Variants in BMAL1 observed in about 807,000 individuals in gnomAD.
The protein encoded by BMAL1 is basic helix-loop-helix ARNT like 1, also known as basic helix-loop-helix ARNT-like protein 1.
At chr11:13,382,201 A>T in the BMAL1 span, among the ~76,000 whole-genome samples, 1 of 152,186 alleles carries the variant, frequency 6.6e-6, no homozygotes, top group African/African-American at 2.4e-5. Context: ...TCTTTTTTAT[A>T]CAGGAATCTT....
chr11:13,322,776 GTCTTTT>G, the BMAL1 span, among the ~76,000 whole-genome samples: 3 of 104,864 alleles, frequency 2.9e-5, no homozygotes, highest in Admixed American at 9.7e-5. Context: ...TTGTGAGCAA[GTCTTTT>G]TTTTTTTTTT....
chr11:13,372,849 A>G, the BMAL1 span, among the ~76,000 whole-genome samples: 2 of 152,100 alleles, frequency 1.3e-5, no homozygotes, highest in African/African-American at 2.4e-5. Context: ...TCTGTTAAAA[A>G]ATGAGATTCA....
chr11:13,350,020 G>A, the BMAL1 span: 1 of 152,160 alleles, frequency 6.6e-6, no homozygotes, highest in Non-Finnish European at 1.5e-5. Context: ...AAGTCCAGAG[G>A]CCCCTAACTC....
chr11:13,319,027 T>G, the BMAL1 span, among the ~76,000 whole-genome samples: 1 of 152,202 alleles, frequency 6.6e-6, no homozygotes, highest in Non-Finnish European at 1.5e-5. Flanking sequence ...TGCTTGTTTC[T>G]CTCCACCCCT....
chr11:13,340,179 G>A, the BMAL1 span, among the ~76,000 whole-genome samples: 9 of 152,286 alleles, frequency 5.9e-5, no homozygotes, highest in East Asian at 3.9e-4. Flanking sequence ...AGTGGTAGCC[G>A]TCTGAGGCCT....
the BMAL1 span, among the ~76,000 whole-genome samples, chr11:13,330,312 A>G: frequency 2.6e-5 from 4 of 152,188 alleles, no homozygotes; most frequent in Non-Finnish European, 5.9e-5. Context: ...TTTACAGTGC[A>G]CTATAGGGCA....
chr11:13,339,430 T>TACACACACACACACACACACACACAC, the BMAL1 span, among the ~76,000 whole-genome samples: 12 of 144,190 alleles, frequency 8.3e-5, no homozygotes, highest in African/African-American at 3.1e-4. Context: ...GCCCTGCTTT[T>TACACACACACACACACACACACACAC]ACACACACAC....
the BMAL1 span, among the ~76,000 whole-genome samples, chr11:13,311,319 G>A: frequency 2.6e-5 from 4 of 152,182 alleles, no homozygotes; most frequent in South Asian, 2.1e-4. Context: ...GGGAATATGC[G>A]TAACTGTGGG....
chr11:13,387,051 G>A, the BMAL1 span: 1 of 254,026 alleles, frequency 3.9e-6, no homozygotes. Flanking sequence ...ATTGTGCACA[G>A]AAGCATCATT....
the BMAL1 span, chr11:13,357,227 C>T: frequency 7.4e-7 from 1 of 1,345,962 alleles, no homozygotes; most frequent in East Asian, 2.5e-5. The surrounding 1 kb of genome is among the most constrained non-coding windows in gnomAD (Gnocchi z 4.8). Context: ...AGGGAATAGG[C>T]AGGTAGTGGG....
the BMAL1 span, among the ~76,000 whole-genome samples, chr11:13,335,813 A>G: frequency 1.3e-5 from 2 of 152,128 alleles, no homozygotes; most frequent in African/African-American, 4.8e-5. Context: ...CAATACTTAC[A>G]TATTGATTTA....
the BMAL1 span, among the ~76,000 whole-genome samples, chr11:13,359,865 G>T: frequency 6.6e-6 from 1 of 152,254 alleles, no homozygotes; most frequent in South Asian, 2.1e-4. Flanking sequence ...CTGATGAAGA[G>T]TAACTCACAT....
chr11:13,337,488 A>T, the BMAL1 span, among the ~76,000 whole-genome samples: 106 of 152,318 alleles, frequency 7.0e-4, no homozygotes, highest in African/African-American at 2.3e-3. Flanking sequence ...GTAAGAGATG[A>T]TGTTCTTAAA....
chr11:13,355,004 C>T, the BMAL1 span: 22 of 386,126 alleles, frequency 5.7e-5, no homozygotes, highest in African/African-American at 9.9e-5. Context: ...GTTGACTTTT[C>T]GTTTGAGTAA....
At chr11:13,287,149 G>A in the BMAL1 span, among the ~76,000 whole-genome samples, 1 of 152,186 alleles carries the variant, frequency 6.6e-6, no homozygotes, top group Admixed American at 6.5e-5. Flanking sequence ...TGCCATTTGA[G>A]AGGTTTGATA....
the BMAL1 span, chr11:13,374,112 C>T: frequency 1.2e-6 from 2 of 1,613,460 alleles, no homozygotes; most frequent in East Asian, 4.5e-5. Flanking sequence ...GCTATTTTGG[C>T]ATATTTACCA....
chr11:13,366,446 TGA>T, the BMAL1 span, among the ~76,000 whole-genome samples: 1 of 152,160 alleles, frequency 6.6e-6, no homozygotes, highest in Non-Finnish European at 1.5e-5. Flanking sequence ...TTTATATAAT[TGA>T]GGGTTTTCCC....
At chr11:13,373,957 C>T in the BMAL1 span, 1 of 673,092 alleles carries the variant, frequency 1.5e-6, no homozygotes, top group Admixed American at 2.6e-5. Context: ...AGTGAGCCCT[C>T]TGAAAATCCA....
chr11:13,288,424 CTTT>C, the BMAL1 span, among the ~76,000 whole-genome samples: 733 of 113,496 alleles, frequency 6.5e-3, 205 homozygotes, highest in Middle Eastern at 0.019. Context: ...CTTTTTTTTT[CTTT>C]TTTTTTTTTT....
Sources: allele counts gnomAD v4.1 joint callset (sites outside exome capture counted in the v4.1 genomes callset), GRCh38; gene constraint gnomAD v4.1.1; non-coding constraint Gnocchi (gnomAD v3.1); transcripts MANE v1.5; gene names NCBI Gene and HGNC (gene_info 2026-07-23, HGNC 2026-07-21).